The following LRRC3B variants were observed in gnomAD, a reference collection of about 807,000 sequenced individuals.
LRRC3B encodes leucine-rich repeat-containing protein 3B.
Under a neutral mutation model 12.8 loss-of-function variants are expected in LRRC3B, and 2 were observed. That is an observed-to-expected ratio of 0.16 (90% CI 0.06 to 0.49). LRRC3B has a LOEUF of 0.49. Among genes scored for constraint, LRRC3B ranks in the 20% least tolerant of loss-of-function variants. LRRC3B has a pLI of 0.96. For synonymous variants in LRRC3B, 132 were observed against 122.0 expected, an observed-to-expected ratio of 1.08 and a Z score of -0.54; for missense variants, 189 against 319.4, an observed-to-expected ratio of 0.59 and a Z score of 3.11.
At chr3:26,638,420 A>T (rs763355748) in intron 1 of LRRC3B, among the ~76,000 whole-genome samples, 3 of 152,192 alleles carry the variant, frequency 2.0e-5, no homozygotes, top group Non-Finnish European at 4.4e-5. Context: ...GGAAAAAAAA[A>T]TCAGAAAAGA....
intron 1 of LRRC3B, among the ~76,000 whole-genome samples, chr3:26,697,268 C>T (rs1025051383): frequency 6.6e-6 from 1 of 152,180 alleles, no homozygotes; most frequent in Non-Finnish European, 1.5e-5. Flanking sequence ...TATGGCCACA[C>T]TAACTCCAAA....
At chr3:26,704,989 G>A (rs150913274) in intron 1 of LRRC3B, among the ~76,000 whole-genome samples, 1 of 152,214 alleles carries the variant, frequency 6.6e-6, no homozygotes, top group Non-Finnish European at 1.5e-5. Flanking sequence ...GGAAGAAACT[G>A]GTGTATCTGG....
At chr3:26,704,423 T>C (rs572904152) in intron 1 of LRRC3B, among the ~76,000 whole-genome samples, 2 of 152,200 alleles carry the variant, frequency 1.3e-5, no homozygotes, top group East Asian at 3.8e-4. Flanking sequence ...TTAATCTAGA[T>C]GATAAGTACT....
chr3:26,702,595 G>GAGAT (rs1700483557), intron 1 of LRRC3B, among the ~76,000 whole-genome samples: 1 of 152,194 alleles, frequency 6.6e-6, no homozygotes, highest in Non-Finnish European at 1.5e-5. Context: ...AACATGGTGG[G>GAGAT]AGATACAACT....
intron 1 of LRRC3B, among the ~76,000 whole-genome samples, chr3:26,652,540 G>C (rs937150650): frequency 6.6e-6 from 1 of 152,150 alleles, no homozygotes; most frequent in African/African-American, 2.4e-5. Context: ...AGAGTCCAGT[G>C]GGGGGAAAAT....
intron 1 of LRRC3B, among the ~76,000 whole-genome samples, chr3:26,664,369 C>T (rs1422854270): frequency 6.6e-6 from 1 of 151,956 alleles, no homozygotes; most frequent in Non-Finnish European, 1.5e-5. Context: ...GTCCCCCCAC[C>T]CCCACGACTA....
intron 1 of LRRC3B, among the ~76,000 whole-genome samples, chr3:26,699,671 A>C (rs1027399994): frequency 3.3e-5 from 5 of 152,202 alleles, no homozygotes; most frequent in African/African-American, 1.2e-4. Context: ...GAAGCTTTCA[A>C]GTTATCCTGG....
chr3:26,686,358 C>T (rs897663618), intron 1 of LRRC3B, among the ~76,000 whole-genome samples: 33 of 152,222 alleles, frequency 2.2e-4, no homozygotes, highest in African/African-American at 5.8e-4. Context: ...GGATTACAGG[C>T]GTGAGCCACC....
At chr3:26,695,298 C>G (rs935797777) in intron 1 of LRRC3B, among the ~76,000 whole-genome samples, 1 of 152,012 alleles carries the variant, frequency 6.6e-6, no homozygotes, top group South Asian at 2.1e-4. Context: ...GGGGCCGAGG[C>G]GGGGGGACCA....
chr3:26,635,639 T>A (rs1488728726), intron 1 of LRRC3B, among the ~76,000 whole-genome samples: 3 of 152,250 alleles, frequency 2.0e-5, no homozygotes, highest in African/African-American at 7.2e-5. Context: ...GAATTCCTGT[T>A]GTTTAAGCCA....
chr3:26,651,833 G>T (rs186975084), intron 1 of LRRC3B, among the ~76,000 whole-genome samples: 15 of 152,250 alleles, frequency 9.9e-5, no homozygotes, highest in Admixed American at 2.6e-4. Context: ...AATTCAGAAG[G>T]TTACCTTATA....
intron 1 of LRRC3B, among the ~76,000 whole-genome samples, chr3:26,659,735 A>T: frequency 6.6e-6 from 1 of 152,176 alleles, no homozygotes; most frequent in East Asian, 1.9e-4. Flanking sequence ...TTTTCTGAAA[A>T]TAGAATGTTC....
chr3:26,630,710 T>C (rs1698738697), intron 1 of LRRC3B, among the ~76,000 whole-genome samples: 1 of 148,662 alleles, frequency 6.7e-6, no homozygotes, highest in Non-Finnish European at 1.5e-5. Context: ...AAGTTGCGAC[T>C]TTTTTTTCCA....
exon 1 of LRRC3B, chr3:26,622,897 C>G (rs1698544363): frequency 6.6e-6 from 1 of 152,102 alleles, no homozygotes; most frequent in East Asian, 1.9e-4. Flanking sequence ...GCGCCTGGAG[C>G]AGGGTCTGCA....
intron 1 of LRRC3B, among the ~76,000 whole-genome samples, chr3:26,671,011 CTT>C (rs762788262): frequency 1.0e-5 from 1 of 95,548 alleles, no homozygotes; most frequent in African/African-American, 4.4e-5. Flanking sequence ...TCTCATGTAT[CTT>C]TTTTTTTTTT....
intron 1 of LRRC3B, among the ~76,000 whole-genome samples, chr3:26,628,959 C>T (rs1698691966): frequency 1.3e-5 from 2 of 152,018 alleles, no homozygotes; most frequent in South Asian, 2.1e-4. Context: ...ATCCTAAGCT[C>T]TCTAAGCTAC....
At chr3:26,670,331 A>G (rs1459996050) in intron 1 of LRRC3B, among the ~76,000 whole-genome samples, 4 of 152,216 alleles carry the variant, frequency 2.6e-5, no homozygotes, top group Non-Finnish European at 5.9e-5. Flanking sequence ...GAAGGGATTT[A>G]GTTTTGTGTC....
At chr3:26,671,373 T>TATATATATATAGAGAGAGAGAGAG (rs1261897533) in intron 1 of LRRC3B, among the ~76,000 whole-genome samples, 3 of 28,242 alleles carry the variant, frequency 1.1e-4, no homozygotes, top group African/African-American at 1.5e-4. Flanking sequence ...TATATATATA[T>TATATATATATAGAGAGAGAGAGAG]AGAGAGAGAG....
At chr3:26,690,982 T>C (rs369579198) in intron 1 of LRRC3B, among the ~76,000 whole-genome samples, 1 of 150,928 alleles carries the variant, frequency 6.6e-6, no homozygotes, top group South Asian at 2.1e-4. Flanking sequence ...CATTCTGTCA[T>C]TTTCTTTAGG....
Sources: gnomAD v4.1 joint callset for allele counts (sites outside exome capture counted in the v4.1 genomes callset) on GRCh38, gnomAD v4.1.1 for gene constraint, MANE v1.5 for transcripts, NCBI Gene and HGNC (gene_info 2026-07-23, HGNC 2026-07-21) for gene names.